FGF13: variants seen among roughly 807,000 people sequenced by gnomAD.
FGF13 encodes fibroblast growth factor 13, also known as fibroblast growth factor homologous factor 2.
In FGF13, 2 loss-of-function variants were observed where a neutral mutation model predicts 19.5. The ratio of observed to expected loss-of-function variants is 0.10; its 90% CI spans 0.04 to 0.32. The LOEUF (loss-of-function observed/expected upper bound fraction) is 0.32. FGF13 is among the 10% of genes least tolerant of loss of function. The probability of loss-of-function intolerance (pLI) is 1.00; values close to 1 mark genes in which losing one functional copy is unlikely to be tolerated. For synonymous variants in FGF13, 72 were observed against 76.9 expected, an observed-to-expected ratio of 0.94 and a Z score of 0.33; for missense variants, 113 against 192.7, an observed-to-expected ratio of 0.59 and a Z score of 2.45.
intron 3 of FGF13, among the ~76,000 whole-genome samples, chrX:138,809,755 C>T (rs1186191606): frequency 8.9e-6 from 1 of 111,827 alleles, no homozygotes; most frequent in Non-Finnish European, 1.9e-5. Flanking sequence ...TCTCAGGATA[C>T]AAAATCAAAG....
chrX:138,619,400 G>A lies in FGF13; in HGVS notation c.*13450C>T, dbSNP rs762652726. 11 of 111,606 alleles carry A rather than the reference G, an allele frequency of 9.9e-5. No individual in the cohort carries two copies. The highest frequency in any genetic ancestry group is 2.1e-4 in the Non-Finnish European group (11 of 53,202). The allele number at this position is 111,606 out of a possible 1,213,427, so 9.2% of individuals were successfully genotyped here. On this transcript the variant is annotated 3_prime_UTR_variant, in exon 5 of 5. Transcript: ENST00000315930. Reference sequence around the variant, plus strand: ...GAGAAACACTTAATATAGATGACGGGTTGATGGGTGCAGCAAACCACCATG... The same window carrying A: ...GAGAAACACTTAATATAGATGACGGATTGATGGGTGCAGCAAACCACCATG...
chrX:138,828,888 T>A (rs1239034261), intron 3 of FGF13, among the ~76,000 whole-genome samples: 1 of 111,329 alleles, frequency 9.0e-6, no homozygotes, highest in Non-Finnish European at 1.9e-5. Flanking sequence ...ATTCCCTCTA[T>A]GGGAAGACAA....
chrX:139,061,968 T>G (rs1603171314), intron 1 of FGF13, among the ~76,000 whole-genome samples: 1 of 111,742 alleles, frequency 8.9e-6, no homozygotes. Flanking sequence ...TTTGAACATT[T>G]ACACCTTAAT....
chrX:139,030,421 C>T (rs1683234367), intron 1 of FGF13, among the ~76,000 whole-genome samples: 1 of 111,443 alleles, frequency 9.0e-6, no homozygotes, highest in Non-Finnish European at 1.9e-5. Flanking sequence ...TGTGTGCCTG[C>T]AAACGATGTG....
chrX:139,183,647 G>A (rs12854469), intron 1 of FGF13, among the ~76,000 whole-genome samples: 24,255 of 111,231 alleles, frequency 0.22, 2,007 homozygotes, highest in Middle Eastern at 0.26. Context: ...TAAACTTCCC[G>A]AGGCCTTGCC....
At chrX:138,701,139 G>A (rs1049367448) in intron 3 of FGF13, among the ~76,000 whole-genome samples, 8 of 112,083 alleles carry the variant, frequency 7.1e-5, no homozygotes, top group African/African-American at 2.6e-4. Flanking sequence ...TATTTAGTTA[G>A]CTTTTCTCAT....
intron 3 of FGF13, among the ~76,000 whole-genome samples, chrX:138,696,142 A>C (rs962325869): frequency 1.8e-5 from 2 of 112,149 alleles, no homozygotes; most frequent in African/African-American, 6.5e-5. Flanking sequence ...ATACAATGGA[A>C]TATTACTCAG....
intron 3 of FGF13, among the ~76,000 whole-genome samples, chrX:138,701,160 TA>T (rs1290795447): frequency 8.9e-6 from 1 of 112,356 alleles, no homozygotes; most frequent in Non-Finnish European, 1.9e-5. Context: ...CAGGGCACCA[TA>T]ACGGTGACTG....
At chrX:139,081,096 C>A (rs1392890337) in intron 1 of FGF13, among the ~76,000 whole-genome samples, 2 of 111,135 alleles carry the variant, frequency 1.8e-5, no homozygotes, top group African/African-American at 6.6e-5. Flanking sequence ...TGCTCCAATT[C>A]GTTTCCTCCC....
chrX:139,129,501 G>A (rs2083745443), intron 1 of FGF13, among the ~76,000 whole-genome samples: 1 of 110,733 alleles, frequency 9.0e-6, no homozygotes, highest in Non-Finnish European at 1.9e-5. Flanking sequence ...GGAGGAAGAG[G>A]CATTTTTTGT....
At chrX:139,129,164 C>G (rs2083741157) in intron 1 of FGF13, among the ~76,000 whole-genome samples, 1 of 99,948 alleles carries the variant, frequency 1.0e-5, no homozygotes. Flanking sequence ...TACACACACA[C>G]ACACACACAC....
At chrX:139,114,359 G>C (rs1470862942) in intron 1 of FGF13, among the ~76,000 whole-genome samples, 1 of 112,113 alleles carries the variant, frequency 8.9e-6, no homozygotes, top group East Asian at 2.8e-4. Flanking sequence ...CGCTAGGTGT[G>C]TAAACTAGGT....
Position 138,625,473 on chromosome X carries a change from T to TATATATATATTATATATATATATAC in FGF13, c.*7376_*7377insGTATATATATATATAATATATATAT, listed in dbSNP as rs2089050637. The TATATATATATTATATATATATATAC allele has an allele frequency of 1.1e-5, 1 of 93,024 alleles. No individual in the cohort carries two copies. Among genetic ancestry groups the TATATATATATTATATATATATATAC allele is most frequent in the Non-Finnish European group, 2.0e-5 (1 of 49,328 alleles). 7.7% of individuals were successfully genotyped at this position (93,024 alleles called of 1,213,427 possible). ...AGAAAGAAAATTATATATATATACATATATATATATAATATATATATATAC... is the reference window on the plus strand; with the variant it reads ...AGAAAGAAAATTATATATATATACATATATATATATTATATATATATATACATATATATATAATATATATATATAC... On this transcript the variant is annotated 3_prime_UTR_variant, in exon 5 of 5. Coordinates refer to ENST00000315930, the MANE Select transcript of FGF13 (RefSeq NM_004114.5).
chrX:139,102,122 C>T (rs1226298135), intron 1 of FGF13, among the ~76,000 whole-genome samples: 1 of 112,172 alleles, frequency 8.9e-6, no homozygotes, highest in African/African-American at 3.2e-5. Flanking sequence ...CTTCTCCTCC[C>T]TATTGTTTTA....
rs368518144 is a variant in FGF13, at chrX:138,692,648, T to G, written c.402+10336A>C. On this transcript the variant is annotated intron_variant, in intron 3 of 4. Transcript: ENST00000315930. ...AATTCCAAAATAACTAGTGCCGTTA[T>G]AGCAACAGAGCAATGAATATAACAT... Among the ~76,000 whole-genome samples the G allele has an allele frequency of 5.6e-4, 63 of 111,715 alleles. 2 individuals carry two copies. The highest frequency in any genetic ancestry group is 3.9e-3 in the East Asian group (14 of 3,561).
At chrX:138,739,282 G>C (rs1235261208) in exon 1 of FGF13, 2 of 1,196,507 alleles carry the variant, frequency 1.7e-6, no homozygotes, top group Middle Eastern at 2.3e-4. Context: ...TTCTTTATAA[G>C]CTGGTCCTAC....
chrX:138,617,876 G>A lies in FGF13; in HGVS notation c.*14974C>T, dbSNP rs761668375. ...GAGGATCACTTGACCCAAGAAATTC[G>A]AGGCTGCAGTGAGCTGCGATTGTGC... On this transcript the variant is annotated 3_prime_UTR_variant, in exon 5 of 5. Coordinates refer to ENST00000315930, the MANE Select transcript of FGF13 (RefSeq NM_004114.5). 1 of 110,965 alleles carries A rather than the reference G, an allele frequency of 9.0e-6. No individual in the cohort carries two copies. Among genetic ancestry groups the A allele is most frequent in the African/African-American group, 3.3e-5 (1 of 30,519 alleles). 9.1% of individuals were successfully genotyped at this position (110,965 alleles called of 1,213,427 possible).
chrX:138,668,535 C>A (rs2089578212), intron 3 of FGF13, among the ~76,000 whole-genome samples: 2 of 109,709 alleles, frequency 1.8e-5, no homozygotes, highest in Non-Finnish European at 3.8e-5. Flanking sequence ...GTTTAAAGAG[C>A]CATTAGTGAT....
At chrX:138,741,822 T>C (rs768180230), upstream of FGF13, among the ~76,000 whole-genome samples, 1 of 112,060 alleles carries the variant, frequency 8.9e-6, no homozygotes, top group African/African-American at 3.2e-5. Flanking sequence ...CTATTTAGCA[T>C]TATGTGGTGA....
Sources: allele counts gnomAD v4.1 joint callset (sites outside exome capture counted in the v4.1 genomes callset), GRCh38; gene constraint gnomAD v4.1.1; transcripts MANE v1.5; gene names NCBI Gene and HGNC (gene_info 2026-07-23, HGNC 2026-07-21).